The following TMEM26 variants were observed in gnomAD, a reference collection of about 807,000 sequenced individuals.
TMEM26 encodes transmembrane protein 26.
In TMEM26, 38 loss-of-function variants were observed where a neutral mutation model predicts 28.8. The ratio of observed to expected loss-of-function variants is 1.32; its 90% CI spans 1.02 to 1.73. The LOEUF (loss-of-function observed/expected upper bound fraction) is 1.73, where lower values mean the gene tolerates loss of function less well. Ranked by LOEUF, TMEM26 falls within the 40% of genes most tolerant of loss-of-function variation. TMEM26 has a pLI of 0.00. For missense variants in TMEM26, 518 were observed against 447.1 expected, an observed-to-expected ratio of 1.16 and a Z score of -1.43; for synonymous variants, 227 against 182.9, an observed-to-expected ratio of 1.24 and a Z score of -1.95.
chr10:61,422,535 C>G (rs1323628899), intron 4 of TMEM26, among the ~76,000 whole-genome samples: 1 of 152,098 alleles, frequency 6.6e-6, no homozygotes, highest in Admixed American at 6.6e-5. Flanking sequence ...AGAAGTTAAA[C>G]AGCCAATTTC....
chr10:61,413,378 A>T, intron 5 of TMEM26, 81 bp downstream of exon 5: 1 of 1,555,402 alleles, frequency 6.4e-7, no homozygotes. Context: ...TAATCCTTTC[A>T]CTTGCCTTCT....
chr10:61,428,777 G>A (rs756300137), intron 4 of TMEM26, 149 bp downstream of exon 4: 22 of 672,428 alleles, frequency 3.3e-5, no homozygotes, highest in African/African-American at 1.3e-4. Flanking sequence ...TTTCTAATAC[G>A]TAAACAGCAG....
rs897516162 is a variant in TMEM26, at chr10:61,423,159, A to T, written c.605+5767T>A. ...CAAAACTGATTTAAGAAGAAATAGA[A>T]TATCTAAATAGACCTATAAAAAGTA... On this transcript the variant is annotated intron_variant, in intron 4 of 5. Transcript: ENST00000399298. Among the ~76,000 whole-genome samples the T allele has an allele frequency of 2.6e-5, 4 of 152,306 alleles. No individual in the cohort carries two copies. In the East Asian group the frequency reaches 7.7e-4, roughly 29 times the overall value.
rs1041275117 is a variant in TMEM26, at chr10:61,452,881, G to T, written c.191+10C>A. ...CCCCGTGCGCCCTCGCTTTCCCGGGGCACTCTCACCATTTGTAGCCTCTGC... is the reference window on the plus strand; with the variant it reads ...CCCCGTGCGCCCTCGCTTTCCCGGGTCACTCTCACCATTTGTAGCCTCTGC... On this transcript the variant is annotated intron_variant, in intron 1 of 5. Transcript: ENST00000399298. 6.8e-6 allele frequency: 11 copies of T among 1,605,848 alleles called. No individual in the cohort carries two copies. The highest frequency in any genetic ancestry group is 8.5e-6 in the Non-Finnish European group (10 of 1,173,212).
intron 4 of TMEM26, among the ~76,000 whole-genome samples, chr10:61,428,385 A>T (rs528280456): frequency 6.6e-6 from 1 of 152,264 alleles, no homozygotes; most frequent in African/African-American, 2.4e-5. Flanking sequence ...CACTTTGAAC[A>T]AAACTGACTA....
At chr10:61,445,227 G>A (rs369492294) in intron 1 of TMEM26, among the ~76,000 whole-genome samples, 2 of 152,126 alleles carry the variant, frequency 1.3e-5, no homozygotes, top group East Asian at 3.8e-4. Context: ...GTCATCACTA[G>A]TATTAAGAGA....
At chr10:61,413,622 C>A in intron 4 of TMEM26, 87 bp from the exon 5 acceptor site, 2 of 1,400,604 alleles carry the variant, frequency 1.4e-6, no homozygotes, top group Admixed American at 2.9e-5. Context: ...TTAGTATATT[C>A]CTAATAAACC....
At chr10:61,427,585 C>T (rs1242075549) in intron 4 of TMEM26, among the ~76,000 whole-genome samples, 1 of 152,044 alleles carries the variant, frequency 6.6e-6, no homozygotes, top group Non-Finnish European at 1.5e-5. Flanking sequence ...TCCTTGGTGT[C>T]ACTTCTGGAT....
At chr10:61,427,758 T>C (rs1367978961) in intron 4 of TMEM26, among the ~76,000 whole-genome samples, 2 of 152,126 alleles carry the variant, frequency 1.3e-5, no homozygotes. Context: ...ATAGGTGGAG[T>C]TAATTATCTT....
At chr10:61,445,935 T>C (rs1012847587) in intron 1 of TMEM26, among the ~76,000 whole-genome samples, 1 of 152,222 alleles carries the variant, frequency 6.6e-6, no homozygotes, top group South Asian at 2.1e-4. Context: ...AGTAGGAATA[T>C]ATTTATACTG....
intron 2 of TMEM26, among the ~76,000 whole-genome samples, chr10:61,432,734 G>GA (rs1481053099): frequency 2.6e-5 from 4 of 151,966 alleles, no homozygotes; most frequent in South Asian, 2.1e-4. Flanking sequence ...TAAGCTACTT[G>GA]AAAAAACAGA....
In TMEM26 at chr10:61,430,487, G is replaced by T. The variant is rs527279371; in HGVS notation, c.384+732C>A. 4.6e-5 allele frequency among the ~76,000 whole-genome samples: 7 copies of T among 151,188 alleles called. No individual in the cohort carries two copies. The South Asian group carries it at 1.5e-3, about 32-fold the overall frequency. On this transcript the variant is annotated intron_variant, in intron 3 of 5. Transcript: ENST00000399298. ...ATAAGACGAGAAAATAAAATAAAAGGTATAGGGATTGGGATGGAAGAAACA... is the reference window on the plus strand; with the variant it reads ...ATAAGACGAGAAAATAAAATAAAAGTTATAGGGATTGGGATGGAAGAAACA...
At position 61,415,736 on chromosome 10, in the gene TMEM26, G is replaced by A. The variant is rs913755132; in HGVS notation, c.606-2201C>T. Among the ~76,000 whole-genome samples the A allele has an allele frequency of 3.9e-5, 6 of 152,094 alleles. No individual in the cohort carries two copies. The East Asian group carries it at 1.2e-3, about 29-fold the overall frequency. The stretch of plus-strand genomic sequence containing the variant: ...TTTTAGGTCTGCTCTATTCTACAAT[G>A]TTCAGAACATACCTGAAATATTATG... On this transcript the variant is annotated intron_variant, in intron 4 of 5. Coordinates refer to ENST00000399298, the MANE Select transcript of TMEM26 (RefSeq NM_178505.8).
intron 3 of TMEM26, among the ~76,000 whole-genome samples, chr10:61,430,689 G>C (rs988738701): frequency 6.6e-6 from 1 of 151,648 alleles, no homozygotes; most frequent in Non-Finnish European, 1.5e-5. Flanking sequence ...AGTGAAATTT[G>C]AAATTAAAAA....
At chr10:61,413,902 G>T (rs1839609678) in intron 4 of TMEM26, 2 of 989,766 alleles carry the variant, frequency 2.0e-6, no homozygotes, top group Admixed American at 1.2e-4. Flanking sequence ...TCAGTGGGAG[G>T]ATTAATAATT....
At position 61,452,903 on chromosome 10, in the gene TMEM26, C is replaced by T. The variant is rs1339990404; in HGVS notation, c.179G>A (p.Arg60Lys). Reference protein sequence around the residue: ...TALTLKFKRGRGYKWFSPAIF... With the variant: ...TALTLKFKRGKGYKWFSPAIF... ...GGGGCACTCTCACCATTTGTAGCCT[C>T]TGCCGCGCTTGAACTTGAGGGTGAG... Residue 60 changes from arginine (R) to lysine (K), a missense_variant, in exon 1 of 6, where the codon AGA becomes AAA. Arg to Lys is a conservative substitution (Grantham distance 26). Transcript: ENST00000399298. The T allele has an allele frequency of 6.2e-6, 10 of 1,613,334 alleles. No homozygotes were observed. Among genetic ancestry groups the T allele is most frequent in the Non-Finnish European group, 8.5e-6 (10 of 1,179,446 alleles).
intron 1 of TMEM26, chr10:61,452,577 A>G (rs1181420012): frequency 1.3e-5 from 4 of 303,930 alleles, no homozygotes; most frequent in Admixed American, 4.2e-5. Flanking sequence ...AGACTCCCCT[A>G]TTTGCGGGCA....
At chr10:61,440,201 C>A (rs111970724) in intron 1 of TMEM26, among the ~76,000 whole-genome samples, 5 of 152,160 alleles carry the variant, frequency 3.3e-5, no homozygotes, top group Non-Finnish European at 5.9e-5. Context: ...GATCATATCA[C>A]CGCACTCCAA....
At chr10:61,445,599 T>C (rs1321677554) in intron 1 of TMEM26, among the ~76,000 whole-genome samples, 1 of 152,144 alleles carries the variant, frequency 6.6e-6, no homozygotes, top group African/African-American at 2.4e-5. Flanking sequence ...GCATGTTACA[T>C]TAACAAGCCT....
Sources: gnomAD v4.1 joint callset for allele counts (sites outside exome capture counted in the v4.1 genomes callset) on GRCh38, gnomAD v4.1.1 for gene constraint, MANE v1.5 for transcripts, NCBI Gene and HGNC (gene_info 2026-07-23, HGNC 2026-07-21) for gene names.